The following SPTB variants were observed in gnomAD, a reference collection of about 807,000 sequenced individuals.
SPTB encodes the protein spectrin beta, erythrocytic, also known as spectrin beta chain, erythrocytic.
SPTB carries 45 observed loss-of-function variants against 256.2 expected under a neutral mutation model. The observed-to-expected ratio is 0.18, with a 90% CI of 0.14 to 0.23. The LOEUF is 0.23. Among genes scored for constraint, SPTB ranks in the 10% least tolerant of loss-of-function variants. SPTB has a pLI of 1.00. For missense variants in SPTB, 2,715 were observed against 3,040.4 expected (o/e 0.89, Z 2.52); for synonymous variants, 1,231 against 1,243.1 (o/e 0.99, Z 0.21).
At chr14:64,766,080 ATGAG>A (rs2082174288) in intron 32 of SPTB, among the ~76,000 whole-genome samples, 1 of 99,046 alleles carries the variant, frequency 1.0e-5, no homozygotes, top group Non-Finnish European at 1.9e-5. Context: ...TGTGGTCTGT[ATGAG>A]TATGCGTGTG....
chr14:64,766,643 C>T (rs2082187692), intron 32 of SPTB, 83 bp downstream of exon 32: 1 of 1,612,568 alleles, frequency 6.2e-7, no homozygotes, highest in Non-Finnish European at 8.5e-7. Context: ...ATCTCGCCTC[C>T]ACCTGGGCTG....
At chr14:64,774,744 A>G (rs2082332104) in intron 23 of SPTB, among the ~76,000 whole-genome samples, 1 of 152,076 alleles carries the variant, frequency 6.6e-6, no homozygotes, top group Admixed American at 6.5e-5. Flanking sequence ...TTCGTATCCG[A>G]CATATACCCT....
Position 64,796,547 on chromosome 14 carries a change from C to T in SPTB, c.1341+10G>A. The T allele has an allele frequency of 6.2e-7, 1 of 1,614,166 alleles. No individual in the cohort carries two copies. The highest frequency in any genetic ancestry group is 2.2e-5 in the East Asian group (1 of 44,874). On this transcript the variant is annotated intron_variant, in intron 11 of 35. Transcript: ENST00000644917. This position sits in a 1 kb window ranked among gnomAD's most constrained non-coding sequence, Gnocchi z 4.1. ...CCCTCTCCTGTCACCCAAAGCATGT[C>T]CCTCATTACCTGGGCCACGAGGCGC... is the stretch of plus-strand genomic sequence containing the variant.
At chr14:64,874,503 G>A (rs1882712692) in intron 1 of SPTB, among the ~76,000 whole-genome samples, 1 of 152,092 alleles carries the variant, frequency 6.6e-6, no homozygotes, top group Admixed American at 6.5e-5. Context: ...AACTCTCTAT[G>A]ACTTATGACT....
In SPTB at chr14:64,806,094, A is replaced by G. The variant is rs2082977935; in HGVS notation, c.149-1004T>C. Among the ~76,000 whole-genome samples the G allele has an allele frequency of 6.6e-6, 1 of 151,970 alleles. No homozygotes were observed. Among genetic ancestry groups the G allele is most frequent in the African/African-American group, 2.4e-5 (1 of 41,326 alleles). ...CAGCATTACCTGGGGAAGCTCAGACAAGATGCTGGAGAGAGGACAGAAGAC... is the reference window on the plus strand; with the variant it reads ...CAGCATTACCTGGGGAAGCTCAGACGAGATGCTGGAGAGAGGACAGAAGAC... On this transcript the variant is annotated intron_variant, in intron 2 of 35. Transcript: ENST00000644917. This position sits in a 1 kb window ranked among gnomAD's most constrained non-coding sequence, Gnocchi z 4.1.
At chr14:64,750,710 A>AGCTT (rs527364131) in intron 33 of SPTB, among the ~76,000 whole-genome samples, 2 of 151,688 alleles carry the variant, frequency 1.3e-5, no homozygotes, top group South Asian at 4.1e-4. Context: ...CGGGAGGCGA[A>AGCTT]GCTTGTAGTG....
chr14:64,789,910 G>T (rs1387879292), intron 15 of SPTB, among the ~76,000 whole-genome samples: 1 of 152,144 alleles, frequency 6.6e-6, no homozygotes, highest in African/African-American at 2.4e-5. Flanking sequence ...GGAAAGAACC[G>T]CAGAGGCATG....
chr14:64,775,090 G>C lies in SPTB; in HGVS notation c.4842+35C>G. ...CAACCTCAACTCTTCCTCTCTGCCT[G>C]GGCACCCTGGCTGGTATCCCCTGCC... On this transcript the variant is annotated intron_variant, in intron 23 of 35. Coordinates refer to ENST00000644917, the MANE Select transcript of SPTB (RefSeq NM_001355436.2). The surrounding 1 kb of genome is among the most constrained non-coding windows in gnomAD (Gnocchi z 5.0). 1 of 1,613,614 alleles carries C rather than the reference G, an allele frequency of 6.2e-7. No homozygotes were observed. Among genetic ancestry groups the C allele is most frequent in the Non-Finnish European group, 8.5e-7 (1 of 1,179,990 alleles).
intron 32 of SPTB, among the ~76,000 whole-genome samples, chr14:64,765,802 T>C (rs1332560278): frequency 6.9e-6 from 1 of 144,504 alleles, no homozygotes; most frequent in Admixed American, 6.8e-5. Flanking sequence ...GCTGAGTGAT[T>C]GGGGTGTGTG....
At chr14:64,858,455 A>T (rs1397789638) in intron 1 of SPTB, among the ~76,000 whole-genome samples, 1 of 152,164 alleles carries the variant, frequency 6.6e-6, no homozygotes, top group African/African-American at 2.4e-5. Flanking sequence ...AAATGAGAAC[A>T]CAGTCAGGAG....
Position 64,844,827 on chromosome 14 carries a change from C to T in SPTB, c.-51-21682G>A, listed in dbSNP as rs1220000625. On this transcript the variant is annotated intron_variant, in intron 1 of 35. Coordinates refer to ENST00000644917, the MANE Select transcript of SPTB (RefSeq NM_001355436.2). This position sits in a 1 kb window ranked among gnomAD's most constrained non-coding sequence, Gnocchi z 4.1. ...TCCAAATCACATTCCAGAGATTCCACCTGATCTCAGTGTTTGGAAAGATGT... is the reference window on the plus strand; with the variant it reads ...TCCAAATCACATTCCAGAGATTCCATCTGATCTCAGTGTTTGGAAAGATGT... Among the ~76,000 whole-genome samples, 1 of 152,180 alleles carries T rather than the reference C, an allele frequency of 6.6e-6. No individual in the cohort carries two copies. Among genetic ancestry groups the T allele is most frequent in the African/African-American group, 2.4e-5 (1 of 41,442 alleles).
At chr14:64,871,113 T>C (rs1882505692) in intron 1 of SPTB, among the ~76,000 whole-genome samples, 1 of 152,230 alleles carries the variant, frequency 6.6e-6, no homozygotes, top group Non-Finnish European at 1.5e-5. Flanking sequence ...ATAATACACA[T>C]ATACAAAGAA....
intron 32 of SPTB, among the ~76,000 whole-genome samples, chr14:64,765,025 C>CGTGT (rs565885364): frequency 0.068 from 8,040 of 117,816 alleles, 307 homozygotes; most frequent in Non-Finnish European, 0.094. Context: ...GGAGTGTGTG[C>CGTGT]GTGTGTGTGT....
intron 1 of SPTB, among the ~76,000 whole-genome samples, chr14:64,842,520 T>C (rs2083623258): frequency 6.6e-6 from 1 of 152,220 alleles, no homozygotes; most frequent in Non-Finnish European, 1.5e-5. Context: ...CGTAAGCCTC[T>C]ATTTCTTCAT....
At chr14:64,788,419 G>A (rs906090448) in intron 15 of SPTB, among the ~76,000 whole-genome samples, 7 of 152,324 alleles carry the variant, frequency 4.6e-5, no homozygotes, top group East Asian at 1.9e-4. Context: ...AGATATAAGA[G>A]ACAGGCTGGG....
In SPTB at chr14:64,799,906, T is replaced by A. The variant is rs748115462; in HGVS notation, c.905A>T (p.Lys302Met). Residue 302 changes from lysine to methionine, a missense_variant, in exon 9 of 36, where the codon AAG (lysine) becomes ATG (methionine). Physicochemically the swap from Lys to Met is moderately conservative, Grantham distance 95. Transcript: ENST00000644917. ...KVIDHAIETE[K>M]MIEKYSGLAS... is the part of the protein sequence containing the mutation. The stretch of plus-strand genomic sequence containing the variant: ...TAGCCCGCTGTACTTTTCAATCATC[T>A]TCTCAGTCTCAATGGCATGGTCAAT... 9.9e-6 allele frequency: 16 copies of A among 1,614,260 alleles called. No individual in the cohort carries two copies. Among genetic ancestry groups the A allele is most frequent in the Non-Finnish European group, 1.4e-5 (16 of 1,180,050 alleles).
chr14:64,834,150 C>A (rs2083487512), intron 1 of SPTB, among the ~76,000 whole-genome samples: 1 of 152,100 alleles, frequency 6.6e-6, no homozygotes, highest in African/African-American at 2.4e-5. Context: ...TCTCAGCCTC[C>A]CAAGTAGCTG....
intron 1 of SPTB, among the ~76,000 whole-genome samples, chr14:64,838,095 C>A (rs1245574912): frequency 1.3e-5 from 2 of 152,034 alleles, no homozygotes; most frequent in Non-Finnish European, 2.9e-5. Flanking sequence ...GGAATAGAGT[C>A]CAGAGATAGA....
At position 64,844,682 on chromosome 14, in the gene SPTB, T is replaced by C. The variant is rs566729119; in HGVS notation, c.-51-21537A>G. Among the ~76,000 whole-genome samples, 6 of 152,264 alleles carry C rather than the reference T, an allele frequency of 3.9e-5. No individual in the cohort carries two copies. In the South Asian group the frequency reaches 1.2e-3, roughly 32 times the overall value. ...ATTTAGCAGGGCTTTAATTGAAAAGTAACATGAAGAAGAGGCTATGACTTC... is the reference window on the plus strand; with the variant it reads ...ATTTAGCAGGGCTTTAATTGAAAAGCAACATGAAGAAGAGGCTATGACTTC... On this transcript the variant is annotated intron_variant, in intron 1 of 35. Coordinates refer to ENST00000644917, the MANE Select transcript of SPTB (RefSeq NM_001355436.2). The surrounding 1 kb of genome is among the most constrained non-coding windows in gnomAD (Gnocchi z 4.1).
Sources: gnomAD v4.1 joint callset for allele counts (sites outside exome capture counted in the v4.1 genomes callset) on GRCh38, gnomAD v4.1.1 for gene constraint, Gnocchi (gnomAD v3.1) non-coding constraint, MANE v1.5 for transcripts, NCBI Gene and HGNC (gene_info 2026-07-23, HGNC 2026-07-21) for gene names.